Variants in LAMA2 observed in about 807,000 individuals in gnomAD.
The protein encoded by LAMA2 is laminin subunit alpha-2.
LAMA2 carries 269 observed loss-of-function variants against 364.8 expected under a neutral mutation model. That is an observed-to-expected ratio of 0.74 (90% CI 0.67 to 0.82). The LOEUF is 0.82. LAMA2 is among the 40% of genes least tolerant of loss of function. The pLI is 0.00. For missense variants in LAMA2, 3,807 were observed against 3,873.2 expected (o/e 0.98, Z 0.45); for synonymous variants, 1,379 against 1,370.6 (o/e 1.01, Z -0.14).
At chr6:129,013,292 C>T (rs1237500001) in intron 1 of LAMA2, among the ~76,000 whole-genome samples, 1 of 152,062 alleles carries the variant, frequency 6.6e-6, no homozygotes, top group East Asian at 1.9e-4. Flanking sequence ...AAAAAATTAG[C>T]CCGGCGTGGT....
intron 34 of LAMA2, among the ~76,000 whole-genome samples, chr6:129,376,936 G>A (rs9402119): frequency 0.82 from 125,015 of 152,088 alleles, 51,490 homozygotes; most frequent in Admixed American, 0.87. Flanking sequence ...CACCAATATT[G>A]TACACATAAT....
intron 16 of LAMA2, among the ~76,000 whole-genome samples, chr6:129,270,365 A>G (rs891503512): frequency 3.3e-5 from 5 of 152,026 alleles, no homozygotes; most frequent in African/African-American, 1.2e-4. Context: ...ATGAAGTAAG[A>G]TTTGCATAAT....
chr6:129,005,217 T>C (rs184757686), intron 1 of LAMA2, among the ~76,000 whole-genome samples: 2 of 152,190 alleles, frequency 1.3e-5, no homozygotes. Flanking sequence ...GTTAGACCTA[T>C]ATAAGGCAGT....
In LAMA2 at chr6:129,112,193, T is replaced by A. The variant is rs9492238; in HGVS notation, c.639+13778T>A. Among the ~76,000 whole-genome samples the A allele has an allele frequency of 1.9e-3, 294 of 151,846 alleles. 1 individual carries two copies. Among genetic ancestry groups the A allele is most frequent in the African/African-American group, 6.7e-3 (276 of 41,432 alleles). ...ACTTTTGCTAAAAATTCTTAGATTA[T>A]GTCAAGGGAAAAAAATCCTCTATTG... On this transcript the variant is annotated intron_variant, in intron 4 of 64. Transcript: ENST00000421865.
At chr6:129,481,555 G>C (rs1784350566) in intron 55 of LAMA2, 116 bp downstream of exon 55, 10 of 874,664 alleles carry the variant, frequency 1.1e-5, no homozygotes, top group Non-Finnish European at 5.8e-6. Flanking sequence ...TGGCTAGCAA[G>C]GACTGAACAT....
chr6:129,170,857 C>A (rs867829365), intron 9 of LAMA2, among the ~76,000 whole-genome samples: 5 of 148,418 alleles, frequency 3.4e-5, no homozygotes, highest in Admixed American at 2.0e-4. Flanking sequence ...TCTGGGTGCT[C>A]CTGTATTGGG....
At chr6:129,239,819 G>C (rs1222082028) in intron 12 of LAMA2, among the ~76,000 whole-genome samples, 1 of 152,134 alleles carries the variant, frequency 6.6e-6, no homozygotes, top group Non-Finnish European at 1.5e-5. Flanking sequence ...TCTAGCTCCA[G>C]ATTTTAGAAG....
intron 1 of LAMA2, among the ~76,000 whole-genome samples, chr6:128,933,571 C>T (rs1425626761): frequency 6.6e-6 from 1 of 152,086 alleles, no homozygotes; most frequent in African/African-American, 2.4e-5. Flanking sequence ...TCTCTGTTTC[C>T]TCACCAACAT....
chr6:129,136,453 A>G (rs1446082401), intron 4 of LAMA2, among the ~76,000 whole-genome samples: 1 of 152,020 alleles, frequency 6.6e-6, no homozygotes, highest in Admixed American at 6.6e-5. Context: ...GCCACATGAA[A>G]TCTGCTATTG....
At chr6:129,114,198 C>T (rs1238606234) in intron 4 of LAMA2, among the ~76,000 whole-genome samples, 3 of 151,870 alleles carry the variant, frequency 2.0e-5, no homozygotes, top group Non-Finnish European at 4.4e-5. Flanking sequence ...AAGGTAAATA[C>T]AAATCAAGGT....
intron 29 of LAMA2, among the ~76,000 whole-genome samples, chr6:129,337,616 G>A (rs1442468365): frequency 1.3e-5 from 2 of 152,090 alleles, no homozygotes; most frequent in Non-Finnish European, 1.5e-5. Flanking sequence ...AGGCATTCCT[G>A]TATGGCAAGA....
chr6:129,313,124 G>T (rs368302854), intron 23 of LAMA2, 27 bp downstream of exon 23: 2 of 1,404,534 alleles, frequency 1.4e-6, no homozygotes, highest in East Asian at 4.6e-5. Context: ...TGCAGCTAGG[G>T]AAAACCTCCC....
At chr6:129,106,153 CTTT>C (rs535577847) in intron 4 of LAMA2, among the ~76,000 whole-genome samples, 1 of 140,994 alleles carries the variant, frequency 7.1e-6, no homozygotes, top group African/African-American at 2.6e-5. Flanking sequence ...CTTGAAGACA[CTTT>C]TTTTTTTTTT....
At chr6:128,904,452 CTTTT>C (rs562812796) in intron 1 of LAMA2, among the ~76,000 whole-genome samples, 18 of 119,328 alleles carry the variant, frequency 1.5e-4, no homozygotes, top group African/African-American at 5.1e-4. Context: ...TTTTTCCTTT[CTTTT>C]TTTTTTTTTT....
chr6:129,150,910 A>G (rs923052682), intron 7 of LAMA2, among the ~76,000 whole-genome samples: 2 of 152,186 alleles, frequency 1.3e-5, no homozygotes, highest in African/African-American at 4.8e-5. Flanking sequence ...ATGAATAATC[A>G]CATTCTAATT....
rs139491292 is a variant in LAMA2, at chr6:128,946,713, G to A, written c.112+63356G>A. ...GAAAAAGGATTGGATGATAATAGAA[G>A]TGAAAAGTTTGAATGATTATACTCA... is the stretch of plus-strand genomic sequence containing the variant. On this transcript the variant is annotated intron_variant, in intron 1 of 64. Transcript: ENST00000421865. Among the ~76,000 whole-genome samples, 673 of 152,228 alleles carry A rather than the reference G, an allele frequency of 4.4e-3. 6 individuals are homozygous for A. The highest frequency in any genetic ancestry group is 0.015 in the African/African-American group (629 of 41,528).
chr6:128,911,420 C>T (rs1457460282), intron 1 of LAMA2, among the ~76,000 whole-genome samples: 1 of 152,160 alleles, frequency 6.6e-6, no homozygotes, highest in Non-Finnish European at 1.5e-5. Context: ...CCCATCACCC[C>T]TTTCTTTGAC....
At chr6:129,384,065 A>G (rs1778844199) in intron 35 of LAMA2, among the ~76,000 whole-genome samples, 1 of 152,202 alleles carries the variant, frequency 6.6e-6, no homozygotes. Context: ...GATAATTCTT[A>G]GGCATCACTG....
At chr6:129,272,598 A>G (rs1275996068) in intron 17 of LAMA2, among the ~76,000 whole-genome samples, 1 of 152,212 alleles carries the variant, frequency 6.6e-6, no homozygotes, top group Non-Finnish European at 1.5e-5. Context: ...TGATAACACT[A>G]AAAGCAGTAA....
Sources: allele counts gnomAD v4.1 joint callset (sites outside exome capture counted in the v4.1 genomes callset), GRCh38; gene constraint gnomAD v4.1.1; transcripts MANE v1.5; gene names NCBI Gene and HGNC (gene_info 2026-07-23, HGNC 2026-07-21).